SNAP25: variants seen among roughly 807,000 people sequenced by gnomAD.
The protein encoded by SNAP25 is synaptosome associated protein 25, also known as synaptosomal-associated protein 25.
Under a neutral mutation model 28.7 loss-of-function variants are expected in SNAP25, and 3 were observed. That is an observed-to-expected ratio of 0.10 (90% confidence interval 0.05 to 0.27). The LOEUF is 0.27. SNAP25 is among the 10% of genes least tolerant of loss of function. The pLI is 1.00. For missense variants in SNAP25, 117 were observed against 278.7 expected, an observed-to-expected ratio of 0.42 and a Z score of 4.13; for synonymous variants, 61 against 88.1, an observed-to-expected ratio of 0.69 and a Z score of 1.72.
At chr20:10,224,238 G>A (rs1374403305) in intron 1 of SNAP25, among the ~76,000 whole-genome samples, 2 of 128,166 alleles carry the variant, frequency 1.6e-5, no homozygotes, top group Non-Finnish European at 3.2e-5. Context: ...GCCAAATAAG[G>A]CATAGAGAAT....
rs3830760 is a variant in SNAP25 at position 10,299,100 on chromosome 20, A to AT, written c.408-160dup. The stretch of plus-strand genomic sequence containing the variant: ...AAGGGTTCAAAAAGCAATTTTAAAC[A>AT]TTTTTTTTAAATGTATGAAAGCTAA... On this transcript the variant is annotated intron_variant, in intron 6 of 7. Transcript: ENST00000254976. Among the ~76,000 whole-genome samples, 16,671 of 151,908 alleles carry AT rather than the reference A, an allele frequency of 0.11. 1,167 individuals are homozygous for AT. The highest frequency in any genetic ancestry group is 0.18 in the East Asian group (954 of 5,160).
intron 1 of SNAP25, among the ~76,000 whole-genome samples, chr20:10,247,620 C>T (rs2063152382): frequency 6.6e-6 from 1 of 152,150 alleles, no homozygotes; most frequent in Non-Finnish European, 1.5e-5. Flanking sequence ...ATGCGCCTTC[C>T]AAGCATGCTG....
chr20:10,282,224 GAAGGGA>G (rs1205595355), intron 3 of SNAP25, among the ~76,000 whole-genome samples: 2 of 148,074 alleles, frequency 1.4e-5, no homozygotes, highest in Admixed American at 6.8e-5. Flanking sequence ...AGGAAGGAAG[GAAGGGA>G]AAGGAAGGAA....
At chr20:10,245,579 G>A (rs2063112550) in intron 1 of SNAP25, among the ~76,000 whole-genome samples, 1 of 152,170 alleles carries the variant, frequency 6.6e-6, no homozygotes, top group Non-Finnish European at 1.5e-5. Context: ...GGCAGTGTGG[G>A]TTTCAAAGTA....
chr20:10,257,584 T>C (rs1024030708), intron 1 of SNAP25, among the ~76,000 whole-genome samples: 5 of 152,162 alleles, frequency 3.3e-5, no homozygotes, highest in African/African-American at 4.8e-5. Flanking sequence ...TGGTGGTGCA[T>C]GTCTGTAATC....
chr20:10,282,142 AGGAGGGAAGGAAGGAAGGAT>A (rs1218976815), intron 3 of SNAP25, among the ~76,000 whole-genome samples: 2 of 141,124 alleles, frequency 1.4e-5, no homozygotes, highest in African/African-American at 5.6e-5. Context: ...CTAGGAAGGA[AGGAGGGAAGGAAGGAAGGAT>A]GGAAGGAAGG....
intron 1 of SNAP25, among the ~76,000 whole-genome samples, chr20:10,222,949 C>A (rs1050315294): frequency 2.6e-5 from 4 of 152,156 alleles, no homozygotes; most frequent in Non-Finnish European, 5.9e-5. Context: ...TGATGAGACA[C>A]CCCAGAAGGT....
chr20:10,246,050 G>C (rs562049856), intron 1 of SNAP25, among the ~76,000 whole-genome samples: 1 of 152,306 alleles, frequency 6.6e-6, no homozygotes, highest in South Asian at 2.1e-4. Flanking sequence ...ATTATTTAAT[G>C]GAATTCATTT....
At chr20:10,258,923 A>G (rs185949825) in intron 1 of SNAP25, among the ~76,000 whole-genome samples, 24 of 152,278 alleles carry the variant, frequency 1.6e-4, no homozygotes, top group African/African-American at 5.3e-4. Flanking sequence ...AAATTCTAGA[A>G]TATAAGCTAG....
intron 1 of SNAP25, among the ~76,000 whole-genome samples, chr20:10,255,472 C>A (rs1308000825): frequency 6.6e-6 from 1 of 152,130 alleles, no homozygotes; most frequent in Non-Finnish European, 1.5e-5. Flanking sequence ...CATACACACA[C>A]AATTTATTTC....
intron 1 of SNAP25, among the ~76,000 whole-genome samples, chr20:10,274,345 T>C (rs1032886674): frequency 6.6e-6 from 1 of 152,164 alleles, no homozygotes; most frequent in Non-Finnish European, 1.5e-5. Flanking sequence ...ATGAAAGATT[T>C]TCTGCCTTTG....
chr20:10,235,164 T>C (rs960677150), intron 1 of SNAP25, among the ~76,000 whole-genome samples: 4 of 151,838 alleles, frequency 2.6e-5, no homozygotes, highest in African/African-American at 9.7e-5. Context: ...GCCCACGAGT[T>C]TGAGGTTGCG....
At chr20:10,264,183 A>G (rs1321836488) in intron 1 of SNAP25, among the ~76,000 whole-genome samples, 1 of 151,954 alleles carries the variant, frequency 6.6e-6, no homozygotes, top group Non-Finnish European at 1.5e-5. Flanking sequence ...TAAAATACAA[A>G]ACCCAAGCAG....
At chr20:10,285,960 C>T (rs1168977973) in intron 4 of SNAP25, among the ~76,000 whole-genome samples, 1 of 152,144 alleles carries the variant, frequency 6.6e-6, no homozygotes, top group Non-Finnish European at 1.5e-5. Flanking sequence ...GGCACTGTAA[C>T]CTGATACAAA....
intron 2 of SNAP25, among the ~76,000 whole-genome samples, 176 bp from the exon 3 acceptor site, chr20:10,277,509 G>C (rs1156786940): frequency 1.3e-5 from 2 of 152,154 alleles, no homozygotes; most frequent in Non-Finnish European, 2.9e-5. Context: ...CATGTAAAAA[G>C]CCTGATAGGA....
intron 1 of SNAP25, among the ~76,000 whole-genome samples, chr20:10,242,959 C>T (rs1369108068): frequency 1.3e-5 from 2 of 152,216 alleles, no homozygotes; most frequent in Non-Finnish European, 2.9e-5. Context: ...CAAGGAGTGG[C>T]TCTTCCTGTC....
chr20:10,291,425 G>A (rs969064815), intron 4 of SNAP25, among the ~76,000 whole-genome samples: 125 of 151,932 alleles, frequency 8.2e-4, no homozygotes, highest in African/African-American at 2.9e-3. Context: ...GTATTTATTC[G>A]GCAAAAGTTC....
intron 1 of SNAP25, among the ~76,000 whole-genome samples, chr20:10,270,930 ATGAAT>A (rs1160123899): frequency 6.6e-6 from 1 of 152,210 alleles, no homozygotes; most frequent in Non-Finnish European, 1.5e-5. Flanking sequence ...GTCAGTTAAC[ATGAAT>A]TGAACCCTTA....
At chr20:10,295,606 G>A (rs890323200) in intron 5 of SNAP25, among the ~76,000 whole-genome samples, 1 of 152,112 alleles carries the variant, frequency 6.6e-6, no homozygotes, top group Non-Finnish European at 1.5e-5. Flanking sequence ...CCCCCAGTCT[G>A]CAAGTATTAG....
Sources: allele counts gnomAD v4.1 joint callset (sites outside exome capture counted in the v4.1 genomes callset), GRCh38; gene constraint gnomAD v4.1.1; transcripts MANE v1.5; gene names NCBI Gene and HGNC (gene_info 2026-07-23, HGNC 2026-07-21).